NAV3: variants seen among roughly 807,000 people sequenced by gnomAD.
NAV3 encodes pore membrane and/or filament interacting like protein 1.
A neutral mutation model predicts 244.7 loss-of-function variants in NAV3; 87 were observed. That is an observed-to-expected ratio of 0.36 (90% CI 0.30 to 0.42). The LOEUF is 0.42. Among genes scored for constraint, NAV3 ranks in the 20% least tolerant of loss-of-function variants. The probability of loss-of-function intolerance (pLI) is 1.00; values close to 1 mark genes in which losing one functional copy is unlikely to be tolerated. For synonymous variants in NAV3, 1,126 were observed against 1,042.2 expected, an observed-to-expected ratio of 1.08 and a Z score of -1.55; for missense variants, 2,663 against 2,893.3, an observed-to-expected ratio of 0.92 and a Z score of 1.83.
intron 2 of NAV3, among the ~76,000 whole-genome samples, chr12:77,730,770 CTTT>C (rs200147386): frequency 7.3e-6 from 1 of 136,312 alleles, no homozygotes; most frequent in African/African-American, 2.7e-5. Flanking sequence ...GTGCTTTTTT[CTTT>C]TTTTTTTTTT....
intron 2 of NAV3, among the ~76,000 whole-genome samples, chr12:77,822,431 A>T (rs1872783034): frequency 6.6e-6 from 1 of 152,174 alleles, no homozygotes; most frequent in African/African-American, 2.4e-5. Context: ...TGTGCCCACA[A>T]ATACACTGTA....
At chr12:77,781,174 G>A (rs1344675059) in intron 2 of NAV3, among the ~76,000 whole-genome samples, 1 of 152,136 alleles carries the variant, frequency 6.6e-6, no homozygotes, top group Non-Finnish European at 1.5e-5. Context: ...ATAAGATTCT[G>A]AGGCCTCCCA....
chr12:77,742,073 A>T (rs1301897044), intron 2 of NAV3, among the ~76,000 whole-genome samples: 1 of 151,906 alleles, frequency 6.6e-6, no homozygotes, highest in East Asian at 1.9e-4. Context: ...ATAATATCTT[A>T]TTGCTTATTT....
At chr12:77,960,326 T>C (rs1251824398) in intron 3 of NAV3, among the ~76,000 whole-genome samples, 4 of 152,006 alleles carry the variant, frequency 2.6e-5, no homozygotes, top group Non-Finnish European at 5.9e-5. Context: ...TGTAGTTCAT[T>C]TGTTTCCTCA....
At chr12:77,838,693 A>G (rs1364632483) in intron 1 of NAV3, among the ~76,000 whole-genome samples, 1 of 152,142 alleles carries the variant, frequency 6.6e-6, no homozygotes, top group Non-Finnish European at 1.5e-5. Flanking sequence ...TACGTGTTTG[A>G]TATTTATGCT....
chr12:77,834,697 A>C (rs1251566531), intron 1 of NAV3, among the ~76,000 whole-genome samples: 1 of 152,232 alleles, frequency 6.6e-6, no homozygotes, highest in Non-Finnish European at 1.5e-5. Flanking sequence ...CAAACATATT[A>C]ATCAAACATC....
At chr12:77,850,019 G>T (rs114941404) in intron 1 of NAV3, among the ~76,000 whole-genome samples, 6 of 152,118 alleles carry the variant, frequency 3.9e-5, no homozygotes, top group African/African-American at 1.4e-4. Context: ...TTCTACGCCC[G>T]TGTCCTAAGC....
chr12:78,146,449 G>T, intron 21 of NAV3, 57 bp downstream of exon 21: 2 of 783,204 alleles, frequency 2.6e-6, no homozygotes, highest in South Asian at 6.9e-5. Context: ...CATTCATGAT[G>T]AAATTAGTCT....
At chr12:78,114,584 T>A (rs1284912706) in intron 12 of NAV3, among the ~76,000 whole-genome samples, 2 of 152,098 alleles carry the variant, frequency 1.3e-5, no homozygotes, top group Non-Finnish European at 1.5e-5. Flanking sequence ...GAACTCACTC[T>A]CTTGAGAACA....
At chr12:77,889,374 C>T (rs766799549) in intron 1 of NAV3, among the ~76,000 whole-genome samples, 4 of 152,178 alleles carry the variant, frequency 2.6e-5, no homozygotes, top group Non-Finnish European at 4.4e-5. Context: ...ACTGGAACTA[C>T]ACCACCATCT....
chr12:77,979,132 T>G (rs935862906), intron 5 of NAV3, among the ~76,000 whole-genome samples: 3 of 151,186 alleles, frequency 2.0e-5, no homozygotes, highest in Admixed American at 2.0e-4. Flanking sequence ...CCCAGAACTT[T>G]GAGAGGCCAA....
At chr12:77,954,944 G>A (rs1421282432) in intron 3 of NAV3, among the ~76,000 whole-genome samples, 1 of 151,888 alleles carries the variant, frequency 6.6e-6, no homozygotes, top group Non-Finnish European at 1.5e-5. Context: ...TTTGATTAAA[G>A]CACACGTTTA....
intron 2 of NAV3, among the ~76,000 whole-genome samples, chr12:77,639,035 C>T (rs1263215016): frequency 6.6e-6 from 1 of 152,144 alleles, no homozygotes; most frequent in East Asian, 1.9e-4. Flanking sequence ...AAATATTTTA[C>T]ACGTTGACAA....
chr12:77,751,613 GC>G (rs1388982854), intron 2 of NAV3, among the ~76,000 whole-genome samples: 2 of 151,798 alleles, frequency 1.3e-5, no homozygotes, highest in Admixed American at 6.6e-5. Flanking sequence ...ATTTCCTGAG[GC>G]CCCCCCAGCC....
At chr12:77,606,568 C>T (rs1407975410) in intron 2 of NAV3, among the ~76,000 whole-genome samples, 5 of 152,102 alleles carry the variant, frequency 3.3e-5, no homozygotes, top group Non-Finnish European at 5.9e-5. Flanking sequence ...GAACCTTGCA[C>T]ATAGTATGAG....
chr12:78,158,512 C>T (rs367777), intron 22 of NAV3, among the ~76,000 whole-genome samples: 51,593 of 151,900 alleles, frequency 0.34, 9,280 homozygotes, highest in East Asian at 0.48. Flanking sequence ...ATATTTAAAA[C>T]AAAACCTGAA....
intron 2 of NAV3, among the ~76,000 whole-genome samples, chr12:77,815,233 T>C (rs1435207274): frequency 1.3e-5 from 2 of 152,190 alleles, no homozygotes; most frequent in Non-Finnish European, 2.9e-5. Flanking sequence ...TAACTTAGTA[T>C]AGTCTTAATG....
intron 2 of NAV3, among the ~76,000 whole-genome samples, chr12:77,777,869 G>T (rs1420140051): frequency 6.6e-6 from 1 of 151,100 alleles, no homozygotes; most frequent in Non-Finnish European, 1.5e-5. Context: ...GCAGTGGCAC[G>T]ATGTCAGCTC....
chr12:77,945,275 A>G (rs1396039536), intron 3 of NAV3, among the ~76,000 whole-genome samples: 8 of 152,188 alleles, frequency 5.3e-5, no homozygotes, highest in Admixed American at 3.3e-4. Flanking sequence ...TAAAGGAAGT[A>G]GAAGAGGAGG....
Sources: gnomAD v4.1 joint callset for allele counts (sites outside exome capture counted in the v4.1 genomes callset) on GRCh38, gnomAD v4.1.1 for gene constraint, MANE v1.5 for transcripts, NCBI Gene and HGNC (gene_info 2026-07-23, HGNC 2026-07-21) for gene names.